The following RGS7BP variants were observed in gnomAD, a reference collection of about 807,000 sequenced individuals.
RGS7BP encodes the protein regulator of G protein signaling 7-binding protein.
Under a neutral mutation model 31.3 loss-of-function variants are expected in RGS7BP, and 9 were observed. That is an observed-to-expected ratio of 0.29 (90% CI 0.17 to 0.50). The LOEUF (loss-of-function observed/expected upper bound fraction) is 0.50, where lower values mean the gene tolerates loss of function less well. Among genes scored for constraint, RGS7BP ranks in the 20% least tolerant of loss-of-function variants. The pLI is 0.98. For synonymous variants in RGS7BP, 115 were observed against 120.1 expected (o/e 0.96, Z 0.28); for missense variants, 274 against 322.0 (o/e 0.85, Z 1.14).
At position 64,549,893 on chromosome 5, in the gene RGS7BP, G is replaced by C. The variant is rs76934594; in HGVS notation, c.333-25881G>C. Among the ~76,000 whole-genome samples, 923 of 152,272 alleles carry C rather than the reference G, an allele frequency of 6.1e-3. 16 individuals are homozygous for C. Among genetic ancestry groups the C allele is most frequent in the African/African-American group, 0.02 (834 of 41,548 alleles). On this transcript the variant is annotated intron_variant, in intron 2 of 5. Transcript: ENST00000334025. Reference sequence around the variant, plus strand: ...TACTGTAAGCACTCAGAGGAGCCAAGTCACTCCTTCAACACTTAGAAATCT... The same window carrying C: ...TACTGTAAGCACTCAGAGGAGCCAACTCACTCCTTCAACACTTAGAAATCT...
chr5:64,585,691 C>T (rs116107795), intron 3 of RGS7BP, among the ~76,000 whole-genome samples: 1 of 152,118 alleles, frequency 6.6e-6, no homozygotes, highest in Non-Finnish European at 1.5e-5. Flanking sequence ...GAATAACCAA[C>T]CTTTCAATTT....
At chr5:64,559,685 G>A (rs1182359282) in intron 2 of RGS7BP, among the ~76,000 whole-genome samples, 1 of 152,138 alleles carries the variant, frequency 6.6e-6, no homozygotes, top group African/African-American at 2.4e-5. Context: ...AAAAGGGAAA[G>A]AGGAAGTTCT....
intron 2 of RGS7BP, among the ~76,000 whole-genome samples, chr5:64,535,365 G>A (rs1749478976): frequency 6.6e-6 from 1 of 152,120 alleles, no homozygotes; most frequent in Admixed American, 6.6e-5. Flanking sequence ...AATATACTCA[G>A]TGCATCCCGT....
chr5:64,560,367 C>T (rs1027591369), intron 2 of RGS7BP, among the ~76,000 whole-genome samples: 2 of 151,998 alleles, frequency 1.3e-5, no homozygotes, highest in Non-Finnish European at 2.9e-5. Flanking sequence ...GGTTTAAACC[C>T]TCCAAGTGAT....
chr5:64,558,424 CATCTT>C lies in RGS7BP; in HGVS notation c.333-17346_333-17342del, dbSNP rs200290444. On this transcript the variant is annotated intron_variant, in intron 2 of 5. Coordinates refer to ENST00000334025, the MANE Select transcript of RGS7BP (RefSeq NM_001029875.3). ...ACATAAATTATAAAGATTTCATTGA[CATCTT>C]ATCATTTCCCCAATCAATACCCTTA... Among the ~76,000 whole-genome samples the C allele has an allele frequency of 5.9e-3, 905 of 152,248 alleles. 7 individuals carry two copies. Among genetic ancestry groups the C allele is most frequent in the African/African-American group, 0.018 (755 of 41,566 alleles).
At chr5:64,606,581 A>G (rs1469286857) in intron 5 of RGS7BP, among the ~76,000 whole-genome samples, 2 of 152,132 alleles carry the variant, frequency 1.3e-5, no homozygotes, top group East Asian at 3.9e-4. Context: ...AGAGACACTG[A>G]AAGGTAAAAT....
At chr5:64,583,986 T>C (rs1742672943) in intron 3 of RGS7BP, among the ~76,000 whole-genome samples, 1 of 152,222 alleles carries the variant, frequency 6.6e-6, no homozygotes, top group African/African-American at 2.4e-5. Context: ...TCAAGTATAT[T>C]TTCCCCATTT....
At chr5:64,541,791 C>T (rs1343634609) in intron 2 of RGS7BP, among the ~76,000 whole-genome samples, 1 of 152,006 alleles carries the variant, frequency 6.6e-6, no homozygotes, top group Non-Finnish European at 1.5e-5. Context: ...ACTAAATCCA[C>T]CTCTGTCAAA....
chr5:64,521,107 T>C (rs544495239), intron 2 of RGS7BP, among the ~76,000 whole-genome samples: 1 of 152,332 alleles, frequency 6.6e-6, no homozygotes, highest in Admixed American at 6.5e-5. Flanking sequence ...GACTGATTGT[T>C]AGGGCTTCAG....
intron 5 of RGS7BP, among the ~76,000 whole-genome samples, chr5:64,598,658 C>G (rs1182188528): frequency 6.6e-6 from 1 of 152,156 alleles, no homozygotes; most frequent in Non-Finnish European, 1.5e-5. Context: ...AAAACGAACT[C>G]CTTCTCCACT....
At position 64,506,075 on chromosome 5, in the gene RGS7BP, A is replaced by C. The variant is rs1203400292; in HGVS notation, c.-550A>C. Among the ~76,000 whole-genome samples the C allele has an allele frequency of 1.3e-5, 2 of 152,152 alleles. No homozygotes were observed. The highest frequency in any genetic ancestry group is 1.9e-4 in the East Asian group (1 of 5,180). On this transcript the variant is annotated 5_prime_UTR_variant, in exon 1 of 6. Coordinates refer to ENST00000334025, the MANE Select transcript of RGS7BP (RefSeq NM_001029875.3). The surrounding 1 kb of genome is among the most constrained non-coding windows in gnomAD (Gnocchi z 4.6). Reference sequence around the variant, plus strand: ...GACAAGCCCTTAGAGACGAGGGATCAAGGCAGCCGATTAGAGCCAATTGCT... The same window carrying C: ...GACAAGCCCTTAGAGACGAGGGATCCAGGCAGCCGATTAGAGCCAATTGCT...
chr5:64,606,004 A>G (rs1244702381), intron 5 of RGS7BP, among the ~76,000 whole-genome samples: 1 of 136,300 alleles, frequency 7.3e-6, no homozygotes, highest in South Asian at 2.2e-4. Context: ...TATGCTATAT[A>G]TATGTATATC....
In RGS7BP at chr5:64,507,896, T is replaced by A; in HGVS notation, c.332+19T>A. ...TCTCAGGGTAGGAGACTCGGCATTA[T>A]TTGGTAATCCATATACATGATGCAT... On this transcript the variant is annotated intron_variant, in intron 2 of 5. Transcript: ENST00000334025. 6.2e-7 allele frequency: 1 copy of A among 1,605,844 alleles called. No individual in the cohort carries two copies.
At chr5:64,536,011 A>G (rs994808650) in intron 2 of RGS7BP, among the ~76,000 whole-genome samples, 2 of 152,188 alleles carry the variant, frequency 1.3e-5, no homozygotes, top group African/African-American at 2.4e-5. Flanking sequence ...ACAGGTGCCA[A>G]TTTAAGTCTG....
intron 3 of RGS7BP, among the ~76,000 whole-genome samples, chr5:64,593,731 C>A (rs1314669550): frequency 6.6e-6 from 1 of 152,146 alleles, no homozygotes; most frequent in Non-Finnish European, 1.5e-5. Context: ...TAGCATGAAT[C>A]CCAGTGCTGG....
At chr5:64,535,580 T>G (rs1473616279) in intron 2 of RGS7BP, among the ~76,000 whole-genome samples, 4 of 152,224 alleles carry the variant, frequency 2.6e-5, no homozygotes, top group African/African-American at 9.6e-5. Context: ...AGGTTGATTA[T>G]TAAATGACAG....
intron 2 of RGS7BP, among the ~76,000 whole-genome samples, chr5:64,548,875 A>G (rs563159669): frequency 1.3e-4 from 18 of 142,390 alleles, no homozygotes; most frequent in African/African-American, 4.0e-4. Context: ...TTTACTAAGT[A>G]CCCTAATTAC....
At chr5:64,594,484 G>A (rs1743008056) in intron 3 of RGS7BP, among the ~76,000 whole-genome samples, 1 of 152,108 alleles carries the variant, frequency 6.6e-6, no homozygotes, top group African/African-American at 2.4e-5. Context: ...AGGTTGCATT[G>A]ACCTCAAACT....
intron 2 of RGS7BP, among the ~76,000 whole-genome samples, chr5:64,514,177 A>G (rs1294674911): frequency 6.6e-6 from 1 of 152,094 alleles, no homozygotes; most frequent in East Asian, 1.9e-4. Context: ...CCTCTTTTTT[A>G]CAAGGACAGT....
Sources: allele counts gnomAD v4.1 joint callset (sites outside exome capture counted in the v4.1 genomes callset), GRCh38; gene constraint gnomAD v4.1.1; non-coding constraint Gnocchi (gnomAD v3.1); transcripts MANE v1.5; gene names NCBI Gene and HGNC (gene_info 2026-07-23, HGNC 2026-07-21).